Variants in TENM2 observed in about 807,000 individuals in gnomAD.
TENM2 encodes teneurin-2.
A neutral mutation model predicts 245.2 loss-of-function variants in TENM2; 52 were observed. The ratio of observed to expected loss-of-function variants is 0.21; its 90% CI spans 0.17 to 0.27. The LOEUF is 0.27. Ranked by LOEUF, TENM2 falls within the 10% of genes least tolerant of loss-of-function variation. The pLI is 1.00. For synonymous variants in TENM2, 1,363 were observed against 1,438.9 expected (o/e 0.95, Z 1.19); for missense variants, 3,046 against 3,666.8 (o/e 0.83, Z 4.37).
At chr5:168,132,597 G>C (rs975684650) in intron 12 of TENM2, among the ~76,000 whole-genome samples, 2 of 152,170 alleles carry the variant, frequency 1.3e-5, no homozygotes, top group African/African-American at 4.8e-5. Context: ...TGAGTCAATA[G>C]CTTGATATAA....
intron 6 of TENM2, among the ~76,000 whole-genome samples, chr5:168,049,016 C>A (rs1433611223): frequency 6.6e-6 from 1 of 152,168 alleles, no homozygotes; most frequent in Non-Finnish European, 1.5e-5. Context: ...AGATTTGAAA[C>A]CTGGTCACCT....
the TENM2 span, among the ~76,000 whole-genome samples, chr5:167,175,044 A>G: frequency 6.6e-6 from 1 of 152,074 alleles, no homozygotes; most frequent in Admixed American, 6.6e-5. Flanking sequence ...TTCACATGCT[A>G]TAGATACCAT....
chr5:167,374,661 T>C (rs1040524723), intron 1 of TENM2, among the ~76,000 whole-genome samples: 1 of 152,122 alleles, frequency 6.6e-6, no homozygotes, highest in African/African-American at 2.4e-5. Context: ...GTTAACGCTG[T>C]ATGACCTGAA....
intron 3 of TENM2, among the ~76,000 whole-genome samples, chr5:167,889,186 G>T (rs929430121): frequency 6.6e-6 from 1 of 152,014 alleles, no homozygotes; most frequent in African/African-American, 2.4e-5. Flanking sequence ...CATAGAAAAT[G>T]ACCCCCAAAT....
At chr5:167,211,313 T>C in the TENM2 span, among the ~76,000 whole-genome samples, 1 of 152,236 alleles carries the variant, frequency 6.6e-6, no homozygotes. Context: ...ATATATGTGA[T>C]AGTTTGTAAA....
intron 2 of TENM2, among the ~76,000 whole-genome samples, chr5:167,609,487 G>T: frequency 3.5e-5 from 1 of 28,424 alleles, no homozygotes; most frequent in African/African-American, 1.9e-4. Context: ...GCCTGATGAT[G>T]CAAAAAAAAA....
At chr5:168,177,463 A>G (rs1408148494) in intron 13 of TENM2, among the ~76,000 whole-genome samples, 3 of 152,188 alleles carry the variant, frequency 2.0e-5, no homozygotes, top group African/African-American at 7.2e-5. Flanking sequence ...TTGAACACAG[A>G]TCAGCTGCCT....
exon 19 of TENM2, chr5:168,204,394 G>A: frequency 1.2e-6 from 2 of 1,613,868 alleles, no homozygotes; most frequent in Non-Finnish European, 1.7e-6. Context: ...AAGGCACTGG[G>A]GAAAACCAGT....
the TENM2 span, among the ~76,000 whole-genome samples, chr5:167,267,367 C>A: frequency 2.6e-5 from 4 of 152,064 alleles, no homozygotes; most frequent in Middle Eastern, 3.2e-3. Flanking sequence ...AGCCTTTATT[C>A]TTTGCCCCAC....
At chr5:168,070,734 T>C (rs960074598) in intron 7 of TENM2, among the ~76,000 whole-genome samples, 3 of 150,568 alleles carry the variant, frequency 2.0e-5, no homozygotes, top group Non-Finnish European at 4.4e-5. Context: ...GGCTGCAGTG[T>C]GCCCTGATTG....
At chr5:167,416,556 C>T (rs1444507294) in intron 2 of TENM2, among the ~76,000 whole-genome samples, 1 of 152,120 alleles carries the variant, frequency 6.6e-6, no homozygotes, top group Admixed American at 6.5e-5. Context: ...ATGATGACAG[C>T]AGTTGGCAAT....
chr5:167,900,895 G>A (rs936190482), intron 3 of TENM2, among the ~76,000 whole-genome samples: 11 of 152,006 alleles, frequency 7.2e-5, no homozygotes, highest in Admixed American at 2.0e-4. Context: ...GGACTTTTCT[G>A]TGGGAGATTG....
intron 2 of TENM2, among the ~76,000 whole-genome samples, chr5:167,451,154 A>G (rs543251211): frequency 7.9e-4 from 121 of 152,202 alleles, no homozygotes; most frequent in African/African-American, 2.8e-3. Context: ...AATTCAAGCT[A>G]GTTCTGTTTT....
At chr5:167,611,445 G>A (rs1442404989) in intron 2 of TENM2, among the ~76,000 whole-genome samples, 1 of 152,020 alleles carries the variant, frequency 6.6e-6, no homozygotes, top group African/African-American at 2.4e-5. Flanking sequence ...CACAGAAGGA[G>A]GCTGCATCCC....
chr5:167,714,009 T>C (rs547630524), intron 2 of TENM2, among the ~76,000 whole-genome samples: 68 of 152,314 alleles, frequency 4.5e-4, no homozygotes, highest in African/African-American at 1.6e-3. Flanking sequence ...ATAACCTGCC[T>C]GAATAGAAGA....
chr5:167,985,655 A>C (rs1783188169), intron 4 of TENM2, among the ~76,000 whole-genome samples: 1 of 152,194 alleles, frequency 6.6e-6, no homozygotes, highest in Admixed American at 6.5e-5. Context: ...GAGGCAGCAC[A>C]ATTATTTGTA....
At chr5:168,074,938 T>A (rs1277670421) in intron 7 of TENM2, among the ~76,000 whole-genome samples, 2 of 152,228 alleles carry the variant, frequency 1.3e-5, no homozygotes, top group Non-Finnish European at 2.9e-5. Context: ...TGTACACTTT[T>A]AAAAATTTAT....
chr5:167,862,139 G>C (rs1188556874), intron 2 of TENM2, among the ~76,000 whole-genome samples: 2 of 152,132 alleles, frequency 1.3e-5, no homozygotes, highest in African/African-American at 4.8e-5. Context: ...CTTCAAATAG[G>C]CTTGTAAAAA....
chr5:167,654,495 G>A (rs1354177389), intron 2 of TENM2, among the ~76,000 whole-genome samples: 1 of 152,084 alleles, frequency 6.6e-6, no homozygotes, highest in Admixed American at 6.5e-5. Context: ...TACGTGTTAG[G>A]CGAACTCGAA....
Sources: gnomAD v4.1 joint callset for allele counts (sites outside exome capture counted in the v4.1 genomes callset) on GRCh38, gnomAD v4.1.1 for gene constraint, MANE v1.5 for transcripts, NCBI Gene and HGNC (gene_info 2026-07-23, HGNC 2026-07-21) for gene names.